Variants in CFAP54 observed in about 807,000 individuals in gnomAD.
CFAP54 encodes cilia- and flagella-associated protein 54.
In CFAP54, 290 loss-of-function variants were observed where a neutral mutation model predicts 370.4. The ratio of observed to expected loss-of-function variants is 0.78; its 90% CI spans 0.71 to 0.86. The LOEUF (loss-of-function observed/expected upper bound fraction) is 0.86. Ranked by LOEUF, CFAP54 falls within the 40% of genes least tolerant of loss-of-function variation. CFAP54 has a pLI of 0.00. For synonymous variants in CFAP54, 1,206 were observed against 1,236.5 expected (o/e 0.98, Z 0.52); for missense variants, 3,399 against 3,528.7 (o/e 0.96, Z 0.93).
intron 64 of CFAP54, among the ~76,000 whole-genome samples, chr12:96,813,311 G>A (rs897059959): frequency 6.6e-6 from 1 of 152,174 alleles, no homozygotes; most frequent in African/African-American, 2.4e-5. Context: ...TGGTGGCACT[G>A]TGAAAATAAA....
At chr12:96,679,014 A>G (rs1957242199) in intron 39 of CFAP54, among the ~76,000 whole-genome samples, 1 of 152,150 alleles carries the variant, frequency 6.6e-6, no homozygotes, top group Non-Finnish European at 1.5e-5. Context: ...CTGAAGTCCC[A>G]GGCCCTCACT....
Position 96,751,884 on chromosome 12 carries a change from T to G in CFAP54, c.7685-1859T>G, listed in dbSNP as rs371940045. On this transcript the variant is annotated intron_variant, in intron 55 of 67. Coordinates refer to ENST00000524981, the MANE Select transcript of CFAP54 (RefSeq NM_001306084.2). ...CATATTTAGAAGGGCACCTCCTCACTTGTTTTAAGAGCTTTGTAGGTGTCA... is the reference window on the plus strand; with the variant it reads ...CATATTTAGAAGGGCACCTCCTCACGTGTTTTAAGAGCTTTGTAGGTGTCA... Among the ~76,000 whole-genome samples the G allele has an allele frequency of 1.2e-4, 19 of 152,236 alleles. No homozygotes were observed. In the South Asian group the frequency reaches 3.7e-3, roughly 30 times the overall value.
At chr12:96,762,015 CA>C (rs754610650) in intron 58 of CFAP54, among the ~76,000 whole-genome samples, 1 of 151,496 alleles carries the variant, frequency 6.6e-6, no homozygotes, top group African/African-American at 2.4e-5. Context: ...TCAATTTCTG[CA>C]AAAAAAACTA....
chr12:96,827,044 C>A (rs1020833508), intron 65 of CFAP54, among the ~76,000 whole-genome samples: 2,148 of 127,718 alleles, frequency 0.017, 33 homozygotes, highest in African/African-American at 0.054. Flanking sequence ...ATATAATATG[C>A]AATTATATGT....
At chr12:96,795,325 G>A (rs904495442) in intron 63 of CFAP54, among the ~76,000 whole-genome samples, 3 of 152,184 alleles carry the variant, frequency 2.0e-5, no homozygotes, top group Non-Finnish European at 4.4e-5. Context: ...CTCAGGTGGT[G>A]GATGAGGACA....
chr12:96,684,905 A>G, intron 41 of CFAP54, 124 bp from the exon 42 acceptor site: 1 of 975,928 alleles, frequency 1.0e-6, no homozygotes, highest in Non-Finnish European at 1.6e-6. Flanking sequence ...AAGAACAGTG[A>G]ATGTATTATA....
At chr12:96,643,444 A>G (rs1956756175) in intron 32 of CFAP54, among the ~76,000 whole-genome samples, 1 of 152,122 alleles carries the variant, frequency 6.6e-6, no homozygotes, top group African/African-American at 2.4e-5. Flanking sequence ...ACAATATATA[A>G]GTGACCAACA....
intron 44 of CFAP54, among the ~76,000 whole-genome samples, chr12:96,692,363 G>A (rs1387795529): frequency 3.3e-5 from 5 of 151,416 alleles, no homozygotes; most frequent in Admixed American, 6.6e-5. Context: ...AGTCATATTC[G>A]TATATAATAC....
In CFAP54 at chr12:96,540,880, A is replaced by G; in HGVS notation, c.1970A>G (p.Tyr657Cys). The change falls in exon 14 of 68, where the codon TAT becomes TGT. Residue 657 changes from tyrosine (Y) to cysteine (C), a missense_variant. Around this residue, in one of 3 missense-constraint regions of CFAP54, gnomAD observed 2,796 missense variants for 2,869.7 expected, o/e 0.97. Transcript: ENST00000524981. ...LWQINEVIHCYKMEDIDIVVV... is the reference protein window; with the variant it reads ...LWQINEVIHCCKMEDIDIVVV... ...CAGATAAATGAAGTAATTCACTGCT[A>G]TAAAATGGAAGACATTGACATTGTG... 1.3e-6 allele frequency: 2 copies of G among 1,502,766 alleles called. No homozygotes were observed. Among genetic ancestry groups the G allele is most frequent in the South Asian group, 1.3e-5 (1 of 76,416 alleles). The allele number at this position is 1,502,766 out of a possible 1,614,324, so 93.1% of individuals were successfully genotyped here. A position where few individuals can be genotyped will look rare whatever the true frequency, so the allele number is the denominator to read the frequency against.
At chr12:96,602,053 T>C (rs1303914040) in intron 26 of CFAP54, among the ~76,000 whole-genome samples, 1 of 152,222 alleles carries the variant, frequency 6.6e-6, no homozygotes, top group Non-Finnish European at 1.5e-5. Flanking sequence ...GATGTTAGGG[T>C]GTCAATCTTA....
At chr12:96,755,868 A>G (rs192894118) in intron 56 of CFAP54, among the ~76,000 whole-genome samples, 72 of 151,876 alleles carry the variant, frequency 4.7e-4, no homozygotes, top group Admixed American at 2.0e-3. Flanking sequence ...GCGTTTCACC[A>G]TGTTGGGCAG....
chr12:96,528,181 T>C (rs953553902), intron 9 of CFAP54, among the ~76,000 whole-genome samples: 4 of 152,206 alleles, frequency 2.6e-5, no homozygotes, highest in Non-Finnish European at 4.4e-5. Context: ...TTTTTATAGA[T>C]ACCCTTTTGC....
intron 60 of CFAP54, among the ~76,000 whole-genome samples, chr12:96,772,935 G>A (rs115346916): frequency 2.0e-5 from 3 of 152,016 alleles, no homozygotes; most frequent in African/African-American, 7.2e-5. Context: ...ATTCTCCTTT[G>A]CCCTGTAATC....
intron 63 of CFAP54, among the ~76,000 whole-genome samples, chr12:96,799,308 G>A (rs1186465158): frequency 1.3e-5 from 2 of 152,190 alleles, no homozygotes; most frequent in Admixed American, 1.3e-4. Context: ...TGTAAGAAGA[G>A]CCTCAGGCTT....
At chr12:96,829,902 T>C (rs754300519) in intron 66 of CFAP54, among the ~76,000 whole-genome samples, 1 of 152,104 alleles carries the variant, frequency 6.6e-6, no homozygotes, top group Admixed American at 6.6e-5. Flanking sequence ...CCCCAGCTCC[T>C]GGTAACCTCT....
rs753248560 is a variant in CFAP54 at position 96,742,505 on chromosome 12, A to C, written c.7138A>C (p.Asn2380His). The C allele has an allele frequency of 6.2e-7, 1 of 1,612,790 alleles. No homozygotes were observed. The highest frequency in any genetic ancestry group is 2.2e-5 in the East Asian group (1 of 44,838). The part of the protein sequence containing the change: ...PISLNAREYF[N>H]IHLWLRCRLA... ...TTCCCTAAATGCCCGAGAATATTTC[A>C]ACATTCATCTGTGGTTGAGGTGCCG... The change falls in exon 52 of 68, where the codon AAC becomes CAC. Residue 2380 changes from asparagine to histidine, a missense_variant. Transcript: ENST00000524981.
intron 50 of CFAP54, among the ~76,000 whole-genome samples, chr12:96,725,776 A>G (rs1957825185): frequency 6.6e-6 from 1 of 152,084 alleles, no homozygotes; most frequent in Non-Finnish European, 1.5e-5. Context: ...GAATGCTTCT[A>G]GTTTTTGCCC....
intron 17 of CFAP54, among the ~76,000 whole-genome samples, chr12:96,564,203 A>G (rs1955841529): frequency 2.0e-5 from 3 of 152,336 alleles, no homozygotes. Context: ...ATCAATCCTC[A>G]GGATGACTTT....
intron 19 of CFAP54, among the ~76,000 whole-genome samples, chr12:96,567,131 G>T (rs1218860225): frequency 6.6e-6 from 1 of 152,106 alleles, no homozygotes; most frequent in African/African-American, 2.4e-5. Context: ...AAACAGGAGC[G>T]CAAACAGTAG....
Sources: allele counts gnomAD v4.1 joint callset (sites outside exome capture counted in the v4.1 genomes callset), GRCh38; gene constraint gnomAD v4.1.1; regional missense constraint gnomAD v4.1.1; transcripts MANE v1.5; gene names NCBI Gene and HGNC (gene_info 2026-07-23, HGNC 2026-07-21).